KCNIP1: variants seen among roughly 807,000 people sequenced by gnomAD.
KCNIP1 encodes the protein potassium voltage-gated channel interacting protein 1.
In KCNIP1, 18 loss-of-function variants were observed where a neutral mutation model predicts 33.0. That is an observed-to-expected ratio of 0.55 (90% CI 0.38 to 0.81). The LOEUF (loss-of-function observed/expected upper bound fraction) is 0.81. KCNIP1 is among the 30% of genes least tolerant of loss of function. The probability of loss-of-function intolerance (pLI) is 0.00; values close to 1 mark genes in which losing one functional copy is unlikely to be tolerated. For synonymous variants in KCNIP1, 93 were observed against 98.3 expected, an observed-to-expected ratio of 0.95 and a Z score of 0.32; for missense variants, 238 against 271.6, an observed-to-expected ratio of 0.88 and a Z score of 0.87.
chr5:170,714,923 C>G (rs1359935981), intron 1 of KCNIP1, among the ~76,000 whole-genome samples: 3 of 152,058 alleles, frequency 2.0e-5, no homozygotes, highest in Admixed American at 6.6e-5. Context: ...TAGCCCTAAG[C>G]ATAAAGTATG....
chr5:170,526,247 G>C (rs1755562630), intron 1 of KCNIP1, among the ~76,000 whole-genome samples: 1 of 152,202 alleles, frequency 6.6e-6, no homozygotes, highest in African/African-American at 2.4e-5. Context: ...AAAGCAGTCA[G>C]CAGTGCTTAG....
intron 1 of KCNIP1, among the ~76,000 whole-genome samples, chr5:170,471,750 G>C (rs1251884496): frequency 2.0e-5 from 3 of 152,032 alleles, no homozygotes; most frequent in Non-Finnish European, 2.9e-5. Context: ...CTCTCTCTCT[G>C]TCCCTACTTC....
intron 1 of KCNIP1, among the ~76,000 whole-genome samples, chr5:170,695,167 C>T (rs1561769624): frequency 1.3e-5 from 2 of 152,164 alleles, no homozygotes; most frequent in South Asian, 2.1e-4. Context: ...ACACCCATCC[C>T]CCGGCCACCC....
intron 1 of KCNIP1, among the ~76,000 whole-genome samples, chr5:170,355,374 A>C (rs975387261): frequency 6.6e-6 from 1 of 152,230 alleles, no homozygotes; most frequent in Non-Finnish European, 1.5e-5. Flanking sequence ...CTCCCCATTC[A>C]ATCCTCAGAG....
intron 1 of KCNIP1, among the ~76,000 whole-genome samples, chr5:170,463,904 T>C (rs968902863): frequency 2.0e-5 from 3 of 152,126 alleles, no homozygotes; most frequent in African/African-American, 7.2e-5. Flanking sequence ...CCACCTTATA[T>C]AGAGACAATC....
chr5:170,509,971 T>C (rs1303634066), intron 1 of KCNIP1, among the ~76,000 whole-genome samples: 3 of 152,210 alleles, frequency 2.0e-5, no homozygotes, highest in Non-Finnish European at 4.4e-5. Flanking sequence ...TCAGAATCTG[T>C]ATATTTATCC....
chr5:170,730,080 A>AG (rs1165342742), intron 5 of KCNIP1, among the ~76,000 whole-genome samples: 1 of 152,104 alleles, frequency 6.6e-6, no homozygotes, highest in Non-Finnish European at 1.5e-5. Flanking sequence ...GATATATTAA[A>AG]TTTTTAAATA....
At chr5:170,370,979 A>G (rs901125429) in intron 1 of KCNIP1, among the ~76,000 whole-genome samples, 1 of 152,256 alleles carries the variant, frequency 6.6e-6, no homozygotes, top group Non-Finnish European at 1.5e-5. Flanking sequence ...GTAAGCAAGC[A>G]TGCTGTCAAC....
At chr5:170,507,787 T>A (rs894884823) in intron 1 of KCNIP1, among the ~76,000 whole-genome samples, 1 of 152,208 alleles carries the variant, frequency 6.6e-6, no homozygotes, top group Non-Finnish European at 1.5e-5. Flanking sequence ...GCAACAGAAA[T>A]CTAAAGTAAT....
chr5:170,551,242 A>G (rs968414955), intron 1 of KCNIP1, among the ~76,000 whole-genome samples: 49 of 152,304 alleles, frequency 3.2e-4, no homozygotes, highest in African/African-American at 9.1e-4. Context: ...ATGCACTGCA[A>G]TGTTCCTTTG....
At chr5:170,354,778 G>T (rs1378432029) in intron 1 of KCNIP1, among the ~76,000 whole-genome samples, 9 of 152,230 alleles carry the variant, frequency 5.9e-5, no homozygotes, top group Non-Finnish European at 1.3e-4. Context: ...GGAAGGTGAG[G>T]CCCTCAGAGG....
intron 1 of KCNIP1, among the ~76,000 whole-genome samples, chr5:170,588,019 G>C (rs1477644806): frequency 1.3e-5 from 2 of 152,180 alleles, no homozygotes; most frequent in Non-Finnish European, 2.9e-5. Context: ...CAGGAAATTG[G>C]CTTTCATGGG....
At chr5:170,567,976 G>A (rs544786899) in intron 1 of KCNIP1, among the ~76,000 whole-genome samples, 3 of 152,314 alleles carry the variant, frequency 2.0e-5, no homozygotes, top group South Asian at 2.1e-4. Context: ...TGTGGAGCAC[G>A]GGCTACGGAG....
intron 1 of KCNIP1, among the ~76,000 whole-genome samples, chr5:170,365,544 G>A (rs1463488595): frequency 3.9e-5 from 6 of 152,214 alleles, no homozygotes; most frequent in Non-Finnish European, 8.8e-5. Flanking sequence ...AAAGGATGGC[G>A]ATGGTTTCCA....
At chr5:170,598,921 G>GTA (rs1250055762) in intron 1 of KCNIP1, among the ~76,000 whole-genome samples, 1 of 150,904 alleles carries the variant, frequency 6.6e-6, no homozygotes, top group Non-Finnish European at 1.5e-5. Context: ...GTGTGTGTGT[G>GTA]TGTGTGTGTG....
intron 1 of KCNIP1, among the ~76,000 whole-genome samples, chr5:170,384,594 C>T (rs1265306346): frequency 6.6e-6 from 1 of 152,216 alleles, no homozygotes; most frequent in African/African-American, 2.4e-5. Flanking sequence ...GTGGGAGACC[C>T]ATTGCCAGTC....
At chr5:170,455,496 G>T (rs775685244) in intron 1 of KCNIP1, among the ~76,000 whole-genome samples, 6 of 152,162 alleles carry the variant, frequency 3.9e-5, no homozygotes, top group Non-Finnish European at 7.3e-5. Flanking sequence ...CAAGCCACAT[G>T]CCTGGCCCAC....
chr5:170,595,241 G>C (rs147889809), intron 1 of KCNIP1, among the ~76,000 whole-genome samples: 1 of 152,232 alleles, frequency 6.6e-6, no homozygotes, highest in African/African-American at 2.4e-5. Flanking sequence ...CCAGTGAAGG[G>C]GAAGCAGTGA....
intron 1 of KCNIP1, among the ~76,000 whole-genome samples, chr5:170,677,461 C>A (rs1762189368): frequency 6.6e-6 from 1 of 152,186 alleles, no homozygotes; most frequent in South Asian, 2.1e-4. Context: ...AGGAAACTGG[C>A]TCCTTTTGGA....
Sources: allele counts gnomAD v4.1 joint callset (sites outside exome capture counted in the v4.1 genomes callset), GRCh38; gene constraint gnomAD v4.1.1; transcripts MANE v1.5; gene names NCBI Gene and HGNC (gene_info 2026-07-23, HGNC 2026-07-21).